The following CTNNA2 variants were observed in gnomAD, a reference collection of about 807,000 sequenced individuals.
The protein encoded by CTNNA2 is catenin alpha-2.
Under a neutral mutation model 101.0 loss-of-function variants are expected in CTNNA2, and 42 were observed. The ratio of observed to expected loss-of-function variants is 0.42; its 90% CI spans 0.32 to 0.54. CTNNA2 has a LOEUF of 0.54. Ranked by LOEUF, CTNNA2 falls within the 20% of genes least tolerant of loss-of-function variation. The pLI, the probability that CTNNA2 is intolerant of heterozygous loss-of-function variation, is 0.14. For synonymous variants in CTNNA2, 450 were observed against 456.4 expected (o/e 0.99, Z 0.18); for missense variants, 871 against 1,223.1 (o/e 0.71, Z 4.29).
intron 2 of CTNNA2, among the ~76,000 whole-genome samples, chr2:79,738,617 C>A (rs115373490): frequency 5.3e-4 from 81 of 152,188 alleles, no homozygotes; most frequent in Middle Eastern, 3.4e-3. Context: ...ATGATTATTG[C>A]TAAGAAAATT....
chr2:79,691,207 A>G (rs1445925386), intron 2 of CTNNA2, among the ~76,000 whole-genome samples: 2 of 152,040 alleles, frequency 1.3e-5, no homozygotes, highest in African/African-American at 2.4e-5. Context: ...AGTAAGTAGA[A>G]GTAAACTAGC....
intron 3 of CTNNA2, among the ~76,000 whole-genome samples, chr2:79,806,763 G>T (rs1211293010): frequency 6.6e-6 from 1 of 151,848 alleles, no homozygotes; most frequent in African/African-American, 2.4e-5. Context: ...CCTTCCTCCT[G>T]CTTGAAAGTT....
At chr2:80,330,749 T>C (rs2149262262) in intron 7 of CTNNA2, among the ~76,000 whole-genome samples, 1 of 152,262 alleles carries the variant, frequency 6.6e-6, no homozygotes, top group Middle Eastern at 3.4e-3. Context: ...TTGTTGTTCA[T>C]TATTGCGTTT....
chr2:80,597,544 A>G (rs1697089468), intron 15 of CTNNA2, among the ~76,000 whole-genome samples: 1 of 152,192 alleles, frequency 6.6e-6, no homozygotes, highest in African/African-American at 2.4e-5. Context: ...GGCAACCTAC[A>G]GAATGGGATA....
intron 9 of CTNNA2, among the ~76,000 whole-genome samples, chr2:80,472,358 G>A (rs960227164): frequency 6.6e-6 from 1 of 152,296 alleles, no homozygotes; most frequent in African/African-American, 2.4e-5. Flanking sequence ...CCTACTCCCA[G>A]TGAAGACTGA....
intron 7 of CTNNA2, among the ~76,000 whole-genome samples, chr2:80,046,440 G>A (rs750596743): frequency 2.8e-4 from 42 of 152,080 alleles, no homozygotes; most frequent in Non-Finnish European, 4.3e-4. Flanking sequence ...TTGAAAAGAG[G>A]ACAAAGGTAA....
intron 7 of CTNNA2, among the ~76,000 whole-genome samples, chr2:80,222,933 T>A (rs1708650853): frequency 6.6e-6 from 1 of 152,224 alleles, no homozygotes; most frequent in African/African-American, 2.4e-5. Context: ...TTTTGAGATT[T>A]CATCTAAAAT....
chr2:80,475,341 G>A (rs894730590), intron 9 of CTNNA2, among the ~76,000 whole-genome samples: 1 of 152,136 alleles, frequency 6.6e-6, no homozygotes, highest in Non-Finnish European at 1.5e-5. Flanking sequence ...GTTGGTCCAT[G>A]TAATACACAT....
intron 7 of CTNNA2, among the ~76,000 whole-genome samples, chr2:80,101,134 A>G (rs1700517064): frequency 6.6e-6 from 1 of 152,172 alleles, no homozygotes; most frequent in Non-Finnish European, 1.5e-5. Flanking sequence ...AGAAATATCT[A>G]GTGGATATTT....
chr2:79,627,196 C>G (rs1395486302), intron 1 of CTNNA2, among the ~76,000 whole-genome samples: 1 of 152,200 alleles, frequency 6.6e-6, no homozygotes, highest in Non-Finnish European at 1.5e-5. Context: ...GATGGTTTTG[C>G]CATCAAATAG....
intron 7 of CTNNA2, among the ~76,000 whole-genome samples, chr2:79,916,572 T>C (rs577977649): frequency 2.5e-5 from 1 of 40,156 alleles, no homozygotes; most frequent in African/African-American, 1.2e-4. Flanking sequence ...CTCCCCTCCC[T>C]TCTCCTTTTT....
chr2:80,406,553 G>A lies in CTNNA2; in HGVS notation c.1138-12896G>A, dbSNP rs187806678. Reference sequence around the variant, plus strand: ...ACTAGTTGAAAGGGGATGGCTGGGCGTGGTGGCTCACGCCTGTAATCCCAG... The same window carrying A: ...ACTAGTTGAAAGGGGATGGCTGGGCATGGTGGCTCACGCCTGTAATCCCAG... On this transcript the variant is annotated intron_variant, in intron 8 of 18. Coordinates refer to ENST00000402739, the MANE Select transcript of CTNNA2 (RefSeq NM_001282597.3). 2.9e-3 allele frequency among the ~76,000 whole-genome samples: 442 copies of A among 152,126 alleles called. 9 individuals carry two copies. The highest frequency in any genetic ancestry group is 0.027 in the Admixed American group (409 of 15,286).
At chr2:79,284,701 G>C (rs1675508230) in intron 2 of CTNNA2, among the ~76,000 whole-genome samples, 1 of 150,770 alleles carries the variant, frequency 6.6e-6, no homozygotes, top group Non-Finnish European at 1.5e-5. Context: ...TGTTCATCAA[G>C]GATATTGGTC....
chr2:80,407,096 C>A (rs547821552), intron 8 of CTNNA2, among the ~76,000 whole-genome samples: 1 of 152,166 alleles, frequency 6.6e-6, no homozygotes, highest in Non-Finnish European at 1.5e-5. Context: ...CTTTCCTCTT[C>A]CTTCCTTGCC....
chr2:79,518,217 G>T (rs1430604468), intron 1 of CTNNA2, among the ~76,000 whole-genome samples: 1 of 152,012 alleles, frequency 6.6e-6, no homozygotes, highest in Non-Finnish European at 1.5e-5. Flanking sequence ...GTAGACATCG[G>T]GCTATTTTGT....
Position 79,746,025 on chromosome 2 carries a change from C to G in CTNNA2, c.298+1443C>G, listed in dbSNP as rs1671620968. On this transcript the variant is annotated intron_variant, in intron 3 of 18. Coordinates refer to ENST00000402739, the MANE Select transcript of CTNNA2 (RefSeq NM_001282597.3). The stretch of plus-strand genomic sequence containing the variant: ...CCATTTCCATAGTAGTGCACTCCTA[C>G]TAATGGTGCACAGCGGTTCCAGTTT... 2.0e-5 allele frequency among the ~76,000 whole-genome samples: 3 copies of G among 152,146 alleles called. No homozygotes were observed. In the South Asian group the frequency reaches 6.2e-4, roughly 32 times the overall value.
chr2:79,572,216 A>G (rs2103829527), intron 1 of CTNNA2, among the ~76,000 whole-genome samples: 1 of 152,214 alleles, frequency 6.6e-6, no homozygotes, highest in African/African-American at 2.4e-5. Context: ...CTTGCTGGGG[A>G]AGGGAAAGGG....
intron 2 of CTNNA2, among the ~76,000 whole-genome samples, chr2:79,725,624 T>G (rs1197743403): frequency 6.6e-6 from 1 of 152,240 alleles, no homozygotes; most frequent in Non-Finnish European, 1.5e-5. Flanking sequence ...CAATAAAATC[T>G]AATCATGTCC....
At chr2:80,641,072 T>C (rs1673421615) in intron 18 of CTNNA2, among the ~76,000 whole-genome samples, 2 of 152,204 alleles carry the variant, frequency 1.3e-5, no homozygotes, top group Admixed American at 1.3e-4. Flanking sequence ...TTTAGCATTA[T>C]CAAACTCATT....
Sources: gnomAD v4.1 joint callset for allele counts (sites outside exome capture counted in the v4.1 genomes callset) on GRCh38, gnomAD v4.1.1 for gene constraint, MANE v1.5 for transcripts, NCBI Gene and HGNC (gene_info 2026-07-23, HGNC 2026-07-21) for gene names.